NALCN: variants seen among roughly 807,000 people sequenced by gnomAD.
NALCN encodes the protein sodium leak channel NALCN.
In NALCN, 111 loss-of-function variants were observed where a neutral mutation model predicts 225.3. That is an observed-to-expected ratio of 0.49 (90% CI 0.42 to 0.58). NALCN has a LOEUF of 0.58. Ranked by LOEUF, NALCN falls within the 20% of genes least tolerant of loss-of-function variation. The pLI is 0.00. For synonymous variants in NALCN, 764 were observed against 769.0 expected (o/e 0.99, Z 0.11); for missense variants, 1,378 against 2,202.4 (o/e 0.63, Z 7.49).
chr13:101,415,224 T>TATATATACAC (rs1566669133), intron 1 of NALCN, among the ~76,000 whole-genome samples: 5 of 76,766 alleles, frequency 6.5e-5, no homozygotes, highest in African/African-American at 4.1e-4. Flanking sequence ...TATATATATA[T>TATATATACAC]ACATACATAT....
intron 10 of NALCN, among the ~76,000 whole-genome samples, chr13:101,275,861 C>T (rs1456633661): frequency 6.6e-6 from 1 of 151,846 alleles, no homozygotes; most frequent in Non-Finnish European, 1.5e-5. Flanking sequence ...GTCAGAAGAT[C>T]GAGATCATCC....
intron 7 of NALCN, among the ~76,000 whole-genome samples, chr13:101,339,130 T>C (rs988419218): frequency 1.6e-4 from 24 of 152,192 alleles, no homozygotes; most frequent in African/African-American, 5.8e-4. Context: ...GTGGGGTAAG[T>C]ATTCAGAAAA....
chr13:101,304,676 G>A (rs548932872), intron 7 of NALCN, among the ~76,000 whole-genome samples: 103 of 152,112 alleles, frequency 6.8e-4, no homozygotes, highest in African/African-American at 2.2e-3. Context: ...GAGCTCAAGC[G>A]GTCCACCCAC....
At chr13:101,396,731 TA>T (rs1202297661) in intron 2 of NALCN, among the ~76,000 whole-genome samples, 1 of 152,122 alleles carries the variant, frequency 6.6e-6, no homozygotes, top group Non-Finnish European at 1.5e-5. Context: ...ATAAAGAATC[TA>T]ATTATACAAA....
At chr13:101,280,981 A>C (rs571024659) in intron 10 of NALCN, among the ~76,000 whole-genome samples, 1 of 151,452 alleles carries the variant, frequency 6.6e-6, no homozygotes, top group Admixed American at 6.6e-5. Flanking sequence ...CCCGGGTTCA[A>C]GTGATTCTTG....
chr13:101,292,472 C>CA lies in NALCN; in HGVS notation c.800-107dup. The CA allele has an allele frequency of 8.4e-7, 1 of 1,187,596 alleles. No homozygotes were observed. The highest frequency in any genetic ancestry group is 1.2e-6 in the Non-Finnish European group (1 of 869,402). 73.6% of individuals were successfully genotyped at this position (1,187,596 alleles called of 1,614,324 possible). A position where few individuals can be genotyped will look rare whatever the true frequency, so the allele number is the denominator to read the frequency against. On this transcript the variant is annotated intron_variant, in intron 7 of 43. Coordinates refer to ENST00000251127, the MANE Select transcript of NALCN (RefSeq NM_052867.4). This position sits in a 1 kb window ranked among gnomAD's most constrained non-coding sequence, Gnocchi z 4.3. ...TTATCCATACTTATTTTCTCAATGA[C>CA]AAAAGTGCTTCAAAAATTGATTAGA...
intron 20 of NALCN, among the ~76,000 whole-genome samples, chr13:101,109,938 G>A (rs1017667499): frequency 6.6e-6 from 1 of 151,964 alleles, no homozygotes; most frequent in African/African-American, 2.4e-5. Context: ...AAGAGATGAT[G>A]GAAAATAAAA....
At chr13:101,279,236 T>A (rs759960629) in intron 10 of NALCN, among the ~76,000 whole-genome samples, 5 of 152,210 alleles carry the variant, frequency 3.3e-5, no homozygotes, top group Non-Finnish European at 5.9e-5. Context: ...AAGAAAGTGA[T>A]GTTTGAGCTG....
At chr13:101,290,157 G>C (rs758987356) in intron 9 of NALCN, among the ~76,000 whole-genome samples, 4 of 152,182 alleles carry the variant, frequency 2.6e-5, no homozygotes, top group Non-Finnish European at 4.4e-5. Context: ...AAATGATTCT[G>C]TACAACTTTG....
chr13:101,395,250 T>C lies in NALCN; in HGVS notation c.224A>G (p.Asp75Gly). 6.2e-7 allele frequency: 1 copy of C among 1,614,072 alleles called. No homozygotes were observed. Among genetic ancestry groups the C allele is most frequent in the Non-Finnish European group, 8.5e-7 (1 of 1,179,960 alleles). The change falls in exon 3 of 44, where the codon GAT becomes GGT. Residue 75 changes from aspartate to glycine, a missense_variant. Asp to Gly is a moderately conservative substitution (Grantham distance 94). Transcript: ENST00000251127. ...CGTGTAGAGAAACATCAATAATGTA[T>C]CCAAAGTGAAGGTCACATACTGAAG... ...PPLQYVTFTL[D>G]TLLMFLYTAE...
At chr13:101,384,919 A>G (rs1358891594) in intron 3 of NALCN, among the ~76,000 whole-genome samples, 1 of 152,200 alleles carries the variant, frequency 6.6e-6, no homozygotes, top group Non-Finnish European at 1.5e-5. Context: ...ATTGTTAAAG[A>G]CATTTCTTGC....
intron 1 of NALCN, among the ~76,000 whole-genome samples, chr13:101,400,544 AGTGTGTGTGTGT>A (rs376844190): frequency 8.4e-4 from 114 of 135,248 alleles, no homozygotes; most frequent in African/African-American, 1.8e-3. Context: ...ACATGTTTGC[AGTGTGTGTGTGT>A]GTGTGTGTGT....
rs779157733 is a variant in NALCN, at chr13:101,104,607, T to C, written c.2680A>G (p.Ile894Val). Residue 894 changes from isoleucine to valine, a missense_variant, in exon 24 of 44, where the codon ATC becomes GTC. Transcript: ENST00000251127. This position sits in a 1 kb window ranked among gnomAD's most constrained non-coding sequence, Gnocchi z 4.2. ...GAAATGCAAGAGCAGATGGTTACGA[T>C]GATCATGACCCAGTCCAGGTAAGTG... The part of the protein sequence containing the change: ...LVTYLDWVMI[I>V]VTICSCISMM... 5 of 1,613,862 alleles carry C rather than the reference T, an allele frequency of 3.1e-6. No individual in the cohort carries two copies. The highest frequency in any genetic ancestry group is 1.6e-4 in the Middle Eastern group (1 of 6,078).
chr13:101,141,434 T>C (rs1020517577), intron 17 of NALCN, among the ~76,000 whole-genome samples: 1 of 152,012 alleles, frequency 6.6e-6, no homozygotes, highest in Non-Finnish European at 1.5e-5. Context: ...TCTGCAAAGA[T>C]AGTAGAATAG....
chr13:101,322,659 C>T (rs1291539650), intron 7 of NALCN, among the ~76,000 whole-genome samples: 1 of 152,106 alleles, frequency 6.6e-6, no homozygotes, highest in Non-Finnish European at 1.5e-5. Flanking sequence ...CTTGTTTTAA[C>T]TATTATAGAA....
chr13:101,164,182 A>T (rs1016127559), intron 15 of NALCN, among the ~76,000 whole-genome samples: 1 of 152,214 alleles, frequency 6.6e-6, no homozygotes, highest in African/African-American at 2.4e-5. Flanking sequence ...TTCCACTCAT[A>T]TCAGGAGAAC....
chr13:101,301,465 G>GTA (rs1455596505), intron 7 of NALCN, among the ~76,000 whole-genome samples: 3 of 152,212 alleles, frequency 2.0e-5, no homozygotes, highest in Non-Finnish European at 2.9e-5. Flanking sequence ...GCTCATGCCT[G>GTA]TAATTCCAGC....
intron 12 of NALCN, among the ~76,000 whole-genome samples, chr13:101,231,044 G>C (rs1221546438): frequency 6.6e-6 from 1 of 152,060 alleles, no homozygotes; most frequent in Non-Finnish European, 1.5e-5. Flanking sequence ...TGTAGCCTAG[G>C]AGCAATAGGC....
At chr13:101,122,232 G>A (rs1243835189) in intron 18 of NALCN, among the ~76,000 whole-genome samples, 1 of 152,142 alleles carries the variant, frequency 6.6e-6, no homozygotes, top group Non-Finnish European at 1.5e-5. Flanking sequence ...TAGAAGCAAT[G>A]AAGAAACCAT....
Sources: allele counts gnomAD v4.1 joint callset (sites outside exome capture counted in the v4.1 genomes callset), GRCh38; gene constraint gnomAD v4.1.1; non-coding constraint Gnocchi (gnomAD v3.1); transcripts MANE v1.5; gene names NCBI Gene and HGNC (gene_info 2026-07-23, HGNC 2026-07-21).